PLK3: variants seen among roughly 807,000 people sequenced by gnomAD.
The protein encoded by PLK3 is polo like kinase 3, also known as serine/threonine-protein kinase PLK3.
A neutral mutation model predicts 71.6 loss-of-function variants in PLK3; 41 were observed. The ratio of observed to expected loss-of-function variants is 0.57; its 90% CI spans 0.45 to 0.74. The LOEUF (loss-of-function observed/expected upper bound fraction) is 0.74, where lower values mean the gene tolerates loss of function less well. PLK3 is among the 30% of genes least tolerant of loss of function. PLK3 has a pLI of 0.00. For synonymous variants in PLK3, 366 were observed against 355.4 expected (o/e 1.03, Z -0.33); for missense variants, 791 against 875.6 (o/e 0.90, Z 1.22).
At position 44,800,703 on chromosome 1, in the gene PLK3, A is replaced by G; in HGVS notation, c.210+30A>G. 1.3e-6 allele frequency: 2 copies of G among 1,547,312 alleles called. No homozygotes were observed. The highest frequency in any genetic ancestry group is 1.2e-5 in the South Asian group (1 of 84,922). On this transcript the variant is annotated intron_variant, in intron 1 of 14. Coordinates refer to ENST00000372201, the MANE Select transcript of PLK3 (RefSeq NM_004073.4). The surrounding 1 kb of genome is among the most constrained non-coding windows in gnomAD (Gnocchi z 6.5). ...GCCGAGGGACGTCCGCGGGGTGGTGATGGTGGAGGTGGGGGTCCCGGCCGG... is the reference window on the plus strand; with the variant it reads ...GCCGAGGGACGTCCGCGGGGTGGTGGTGGTGGAGGTGGGGGTCCCGGCCGG...
intron 13 of PLK3, 120 bp downstream of exon 13, chr1:44,804,899 A>C (rs947707284): frequency 1.1e-6 from 1 of 875,158 alleles, no homozygotes; most frequent in Non-Finnish European, 1.8e-6. Context: ...AGGTCAGGAG[A>C]TCGAGACCAT....
In PLK3 at chr1:44,803,165, C is replaced by T; in HGVS notation, c.948+12C>T. ...ACTTCTTTACCAAGGTCTGTGGCTC[C>T]CCAGACCTCTAAGTCCATCTGTGTA... On this transcript the variant is annotated intron_variant, in intron 7 of 14. Transcript: ENST00000372201. The surrounding 1 kb of genome is among the most constrained non-coding windows in gnomAD (Gnocchi z 4.3). The T allele has an allele frequency of 6.2e-7, 1 of 1,613,768 alleles. No individual in the cohort carries two copies. Among genetic ancestry groups the T allele is most frequent in the Non-Finnish European group, 8.5e-7 (1 of 1,179,860 alleles).
Position 44,800,499 on chromosome 1 carries a change from CT to C in PLK3, c.38del (p.Phe13SerfsTer96). On this transcript the variant is annotated frameshift_variant, in exon 1 of 15. Coordinates refer to ENST00000372201, the MANE Select transcript of PLK3 (RefSeq NM_004073.4). LOFTEE classifies it high-confidence loss of function. The surrounding 1 kb of genome is among the most constrained non-coding windows in gnomAD (Gnocchi z 6.5). ...CCGCCGGTTTCCTGTCTCCGCGCCC[CT>C]TCCAGCGTGCGGCCGCCGCGCCCGC... ...PAAGFLSPRP[F>X]QRAAAAPAPP... is the part of the protein sequence containing the mutation. 1 of 1,448,350 alleles carries C rather than the reference CT, an allele frequency of 6.9e-7. No individual in the cohort carries two copies. The highest frequency in any genetic ancestry group is 9.0e-7 in the Non-Finnish European group (1 of 1,107,816). 89.7% of individuals were successfully genotyped at this position (1,448,350 alleles called of 1,614,324 possible).
rs1445390530 is a variant in PLK3 at position 44,805,642 on chromosome 1, T to C, written c.1905T>C (p.Tyr635=). ...CSPDLRQRLR[Y]ALRLLRDRSP... The stretch of plus-strand genomic sequence containing the variant: ...CAGACCTGCGGCAGCGACTCCGCTA[T>C]GCTCTGCGCCTGCTCCGGGACCGCA... The change falls in exon 15 of 15, where the codon TAT becomes TAC. Residue 635 remains tyrosine, a synonymous_variant. Transcript: ENST00000372201. 2 of 1,613,750 alleles carry C rather than the reference T, an allele frequency of 1.2e-6. No homozygotes were observed. The highest frequency in any genetic ancestry group is 2.7e-5 in the African/African-American group (2 of 74,952).
At position 44,800,996 on chromosome 1, in the gene PLK3, G is replaced by A. The variant is rs766913229; in HGVS notation, c.319-40G>A. The stretch of plus-strand genomic sequence containing the variant: ...GGGGTGGGGTGGGGACGGTGGCATG[G>A]GAACCATGGAAGGATGACGACTCCG... On this transcript the variant is annotated intron_variant, in intron 2 of 14. Coordinates refer to ENST00000372201, the MANE Select transcript of PLK3 (RefSeq NM_004073.4). This position sits in a 1 kb window ranked among gnomAD's most constrained non-coding sequence, Gnocchi z 6.5. 2 of 1,608,172 alleles carry A rather than the reference G, an allele frequency of 1.2e-6. No individual in the cohort carries two copies. Among genetic ancestry groups the A allele is most frequent in the Non-Finnish European group, 1.7e-6 (2 of 1,175,228 alleles).
chr1:44,805,199 G>A (rs1651983699), intron 13 of PLK3, 67 bp from the exon 14 acceptor site: 1 of 1,010,408 alleles, frequency 9.9e-7, no homozygotes, highest in African/African-American at 1.6e-5. Context: ...TAGAGGATAA[G>A]GCATACACTA....
Position 44,805,350 on chromosome 1 carries a change from C to T in PLK3, c.1720C>T (p.Leu574Phe). 6.2e-7 allele frequency: 1 copy of T among 1,614,002 alleles called. No individual in the cohort carries two copies. The highest frequency in any genetic ancestry group is 8.5e-7 in the Non-Finnish European group (1 of 1,179,880). ...GTGGGTCAAGACGGATCAGGCTCTC[C>T]TCATGCTGTTTAGTGATGGCACTGT... ...LQWVKTDQAL[L>F]MLFSDGTVQV... is the part of the protein sequence containing the mutation. The change falls in exon 14 of 15, where the codon CTC (leucine) becomes TTC (phenylalanine). Residue 574 changes from leucine (L) to phenylalanine (F), a missense_variant. Transcript: ENST00000372201.
rs139356641 is a variant in PLK3, at chr1:44,802,990, C to T, written c.785C>T (p.Thr262Met). Residue 262 changes from threonine (T) to methionine (M), a missense_variant, in exon 7 of 15, where the codon ACG (threonine) becomes ATG (methionine). Transcript: ENST00000372201. Reference sequence around the variant, plus strand: ...CTCTGCGGGAGCCCTCCCTTTGAGACGGCTGACCTGAAGGAGACGTACCGC... The same window carrying T: ...CTCTGCGGGAGCCCTCCCTTTGAGATGGCTGACCTGAAGGAGACGTACCGC... ...TLLCGSPPFE[T>M]ADLKETYRCI... The T allele has an allele frequency of 9.6e-5, 155 of 1,613,998 alleles. 1 individual carries two copies. In the African/African-American group the frequency reaches 1.3e-3, roughly 14 times the overall value.
rs775565518 is a variant in PLK3 at position 44,800,936 on chromosome 1, C to T, written c.307C>T (p.Gln103Ter). The T allele has an allele frequency of 1.2e-6, 2 of 1,613,030 alleles. No individual in the cohort carries two copies. The highest frequency in any genetic ancestry group is 1.7e-6 in the Non-Finnish European group (2 of 1,179,878). The change falls in exon 2 of 15, where the codon CAG (glutamine) becomes TAG (stop). Residue 103 changes from glutamine (Q) to a stop codon, truncating the protein, a stop_gained. Coordinates refer to ENST00000372201, the MANE Select transcript of PLK3 (RefSeq NM_004073.4). LOFTEE classifies it high-confidence loss of function. This position sits in a 1 kb window ranked among gnomAD's most constrained non-coding sequence, Gnocchi z 6.5. ...IPQSRVAKPH[Q>*]REKILNEIEL... ...GCAGAGCCGCGTCGCCAAGCCGCAT[C>T]AGCGCGAGAAGGTGGGTCCAGGCTC...
rs774616653 is a variant in PLK3 at position 44,800,827 on chromosome 1, C to T, written c.211-13C>T. On this transcript the variant is annotated splice_polypyrimidine_tract_variant and intron_variant, in intron 1 of 14. Transcript: ENST00000372201. This position sits in a 1 kb window ranked among gnomAD's most constrained non-coding sequence, Gnocchi z 6.5. ...CCCCCTGGAACAACCAGCCTGATGC[C>T]CCCTCTTCACAGGGGGGCTTCGCCC... 66 of 1,604,080 alleles carry T rather than the reference C, an allele frequency of 4.1e-5. 1 individual carries two copies. The African/African-American group carries it at 7.6e-4, about 19-fold the overall frequency.
rs1651811022 is a variant in PLK3 at position 44,801,019 on chromosome 1, C to T, written c.319-17C>T. On this transcript the variant is annotated splice_polypyrimidine_tract_variant and intron_variant, in intron 2 of 14. Transcript: ENST00000372201. Reference sequence around the variant, plus strand: ...TGGGAACCATGGAAGGATGACGACTCCGCGCCCTCATCGCAGATCCTAAAT... The same window carrying T: ...TGGGAACCATGGAAGGATGACGACTTCGCGCCCTCATCGCAGATCCTAAAT... 1 of 1,610,118 alleles carries T rather than the reference C, an allele frequency of 6.2e-7. No individual in the cohort carries two copies. Among genetic ancestry groups the T allele is most frequent in the Non-Finnish European group, 8.5e-7 (1 of 1,176,768 alleles).
Position 44,801,679 on chromosome 1 carries a change from T to G in PLK3, c.493T>G (p.Tyr165Asp). The change falls in exon 4 of 15, where the codon TAC (tyrosine) becomes GAC (aspartate). Residue 165 changes from tyrosine (Y) to aspartate (D), a missense_variant. Transcript: ENST00000372201. ...HTLLEPEVRYYLRQILSGLKY... is the reference protein window; with the variant it reads ...HTLLEPEVRYDLRQILSGLKY... Reference sequence around the variant, plus strand: ...CCTGTTGGAGCCAGAAGTGCGCTACTACCTGCGGCAGATCCTTTCTGGCCT... The same window carrying G: ...CCTGTTGGAGCCAGAAGTGCGCTACGACCTGCGGCAGATCCTTTCTGGCCT... The G allele has an allele frequency of 6.2e-7, 1 of 1,613,374 alleles. No individual in the cohort carries two copies.
At position 44,804,325 on chromosome 1, in the gene PLK3, C is replaced by T; in HGVS notation, c.1343-14C>T. The T allele has an allele frequency of 6.2e-7, 1 of 1,614,024 alleles. No individual in the cohort carries two copies. Among genetic ancestry groups the T allele is most frequent in the Non-Finnish European group, 8.5e-7 (1 of 1,179,948 alleles). On this transcript the variant is annotated splice_polypyrimidine_tract_variant and intron_variant, in intron 11 of 14. Coordinates refer to ENST00000372201, the MANE Select transcript of PLK3 (RefSeq NM_004073.4). ...GCCAGGAGCAGGTGCTGACTCCCTC[C>T]TCTCCCATGACAGCGGAACAGAACC... is the stretch of plus-strand genomic sequence containing the variant.
rs1262543416 is a variant in PLK3, at chr1:44,803,543, G to T, written c.1073-57G>T. ...GGAGGCCAATCTCTGTGTCATCCCT[G>T]TCGGAAGTGGAGGGGCTGGGCAGGA... On this transcript the variant is annotated intron_variant, in intron 8 of 14. Coordinates refer to ENST00000372201, the MANE Select transcript of PLK3 (RefSeq NM_004073.4). The surrounding 1 kb of genome is among the most constrained non-coding windows in gnomAD (Gnocchi z 4.3). The T allele has an allele frequency of 1.9e-5, 30 of 1,581,078 alleles. No homozygotes were observed. Among genetic ancestry groups the T allele is most frequent in the Non-Finnish European group, 2.6e-5 (30 of 1,151,684 alleles).
intron 13 of PLK3, 98 bp downstream of exon 13, chr1:44,804,877 G>T: frequency 8.3e-7 from 1 of 1,207,980 alleles, no homozygotes; most frequent in Non-Finnish European, 1.2e-6. Flanking sequence ...AGGCCGAGGC[G>T]GGTGGATTAT....
intron 4 of PLK3, 42 bp from the exon 5 acceptor site, chr1:44,801,803 G>GAGGA (rs1651841827): frequency 1.1e-6 from 1 of 944,422 alleles, no homozygotes; most frequent in Admixed American, 1.8e-5. Context: ...GGGAGGGAGG[G>GAGGA]AGGAAGGAAA....
At chr1:44,801,803 GAGGA>G in intron 4 of PLK3, 38 bp from the exon 5 acceptor site, 4 of 944,602 alleles carry the variant, frequency 4.2e-6, no homozygotes, top group South Asian at 1.3e-5. Context: ...GGGAGGGAGG[GAGGA>G]AGGAAAGAAT....
At position 44,805,842 on chromosome 1, in the gene PLK3, C is replaced by G. The variant is rs925363342; in HGVS notation, c.*164C>G. On this transcript the variant is annotated 3_prime_UTR_variant, in exon 15 of 15. Coordinates refer to ENST00000372201, the MANE Select transcript of PLK3 (RefSeq NM_004073.4). Reference sequence around the variant, plus strand: ...TGGGGGCGGCTTGTCTTCGCTGGCTCCTACCCCATCTCCAAGATAAGCCTG... The same window carrying G: ...TGGGGGCGGCTTGTCTTCGCTGGCTGCTACCCCATCTCCAAGATAAGCCTG... The G allele has an allele frequency of 7.4e-6, 10 of 1,353,700 alleles. No homozygotes were observed. In the Admixed American group the frequency reaches 1.1e-4, roughly 15 times the overall value. The allele number at this position is 1,353,700 out of a possible 1,614,324, so 83.9% of individuals were successfully genotyped here. A position where few individuals can be genotyped will look rare whatever the true frequency, so the allele number is the denominator to read the frequency against.
Position 44,800,698 on chromosome 1 carries a change from T to C in PLK3, c.210+25T>C. On this transcript the variant is annotated intron_variant, in intron 1 of 14. Coordinates refer to ENST00000372201, the MANE Select transcript of PLK3 (RefSeq NM_004073.4). The surrounding 1 kb of genome is among the most constrained non-coding windows in gnomAD (Gnocchi z 6.5). ...GGTGGGCCGAGGGACGTCCGCGGGG[T>C]GGTGATGGTGGAGGTGGGGGTCCCG... is the stretch of plus-strand genomic sequence containing the variant. 1 of 1,545,830 alleles carries C rather than the reference T, an allele frequency of 6.5e-7. No individual in the cohort carries two copies. The highest frequency in any genetic ancestry group is 1.9e-5 in the Admixed American group (1 of 51,968).
Sources: gnomAD v4.1 joint callset for allele counts on GRCh38, gnomAD v4.1.1 for gene constraint, Gnocchi (gnomAD v3.1) non-coding constraint, MANE v1.5 for transcripts, NCBI Gene and HGNC (gene_info 2026-07-23, HGNC 2026-07-21) for gene names.